KRT33B: variants seen among roughly 807,000 people sequenced by gnomAD.
The protein encoded by KRT33B is keratin, type I cuticular Ha3-II.
In KRT33B, 37 loss-of-function variants were observed where a neutral mutation model predicts 42.7. That is an observed-to-expected ratio of 0.87 (90% CI 0.67 to 1.14). The LOEUF is 1.14. Ranked by LOEUF, KRT33B falls within the 50% of genes most tolerant of loss-of-function variation. The probability of loss-of-function intolerance (pLI) is 0.00; values close to 1 mark genes in which losing one functional copy is unlikely to be tolerated. For synonymous variants in KRT33B, 237 were observed against 221.2 expected, an observed-to-expected ratio of 1.07 and a Z score of -0.63; for missense variants, 523 against 515.1, an observed-to-expected ratio of 1.02 and a Z score of -0.15.
chr17:41,368,735 G>A (rs1367171622), intron 1 of KRT33B, among the ~76,000 whole-genome samples: 1 of 151,264 alleles, frequency 6.6e-6, no homozygotes, highest in Non-Finnish European at 1.5e-5. Context: ...AGAATCAAGG[G>A]CTTGTACAAT....
At chr17:41,368,014 A>T in intron 1 of KRT33B, 24 bp from the exon 2 acceptor site, 1 of 1,607,684 alleles carries the variant, frequency 6.2e-7, no homozygotes, top group Non-Finnish European at 8.5e-7. Context: ...TAATCATGAA[A>T]TGGGTTATAC....
chr17:41,363,812 A>C lies in KRT33B; in HGVS notation c.*24T>G. On this transcript the variant is annotated 3_prime_UTR_variant, in exon 7 of 7. Coordinates refer to ENST00000251646, the MANE Select transcript of KRT33B (RefSeq NM_002279.5). ...CCGATGGTAGTTCTGTCTTCATGCT[A>C]TACTTCTGCTGGCCCCAGGGTATCT... 1 of 1,497,850 alleles carries C rather than the reference A, an allele frequency of 6.7e-7. No individual in the cohort carries two copies. The highest frequency in any genetic ancestry group is 9.2e-7 in the Non-Finnish European group (1 of 1,082,586). 92.8% of individuals were successfully genotyped at this position (1,497,850 alleles called of 1,614,324 possible). A position where few individuals can be genotyped will look rare whatever the true frequency, so the allele number is the denominator to read the frequency against.
intron 2 of KRT33B, 100 bp from the exon 3 acceptor site, chr17:41,366,726 A>G (rs2017707034): frequency 8.1e-7 from 1 of 1,227,430 alleles, no homozygotes; most frequent in African/African-American, 1.6e-5. Context: ...ATATTTTGAA[A>G]TATTTTGAAT....
chr17:41,365,752 G>C (rs2017693116), intron 3 of KRT33B, among the ~76,000 whole-genome samples, 199 bp from the exon 4 acceptor site: 1 of 151,236 alleles, frequency 6.6e-6, no homozygotes, highest in South Asian at 2.1e-4. Context: ...TTCATTAAAT[G>C]ATTGCTAATA....
chr17:41,364,758 T>C, intron 6 of KRT33B, 21 bp downstream of exon 6: 1 of 1,612,074 alleles, frequency 6.2e-7, no homozygotes, highest in South Asian at 1.1e-5. Flanking sequence ...CTTGCAGGGG[T>C]GCCGTCCGCC....
rs772735795 is a variant in KRT33B at position 41,369,360 on chromosome 17, T to C, written c.348+43A>G. The C allele has an allele frequency of 6.0e-5, 96 of 1,605,476 alleles. 2 individuals are homozygous for C. The South Asian group carries it at 9.1e-4, about 15-fold the overall frequency. ...CACAGTTTAGTATGTCAAATATAGA[T>C]AAGTAGTTCATTAAGCTGGCAGTGT... is the stretch of plus-strand genomic sequence containing the variant. On this transcript the variant is annotated intron_variant, in intron 1 of 6. Coordinates refer to ENST00000251646, the MANE Select transcript of KRT33B (RefSeq NM_002279.5).
At chr17:41,368,783 AG>A (rs2017736023) in intron 1 of KRT33B, among the ~76,000 whole-genome samples, 1 of 151,290 alleles carries the variant, frequency 6.6e-6, no homozygotes, top group Non-Finnish European at 1.5e-5. Flanking sequence ...AACCCCACTC[AG>A]ACATTGCCTC....
Position 41,363,907 on chromosome 17 carries a change from T to C in KRT33B, c.1144A>G (p.Ile382Val), listed in dbSNP as rs1427950284. The C allele has an allele frequency of 1.2e-6, 2 of 1,611,724 alleles. No homozygotes were observed. Among genetic ancestry groups the C allele is most frequent in the Non-Finnish European group, 1.7e-6 (2 of 1,179,570 alleles). ...CAAGGATTGGTGACACAGGATCCAA[T>C]GGGCTTTTCACATGCATTGGTGGTG... ...CATTNACEKPIGSCVTNPCGP... is the reference protein window; with the variant it reads ...CATTNACEKPVGSCVTNPCGP... The change falls in exon 7 of 7, where the codon ATT becomes GTT. Residue 382 changes from isoleucine to valine, a missense_variant. Transcript: ENST00000251646.
At chr17:41,365,151 C>A (rs1438659642) in intron 5 of KRT33B, 24 bp downstream of exon 5, 3 of 1,610,752 alleles carry the variant, frequency 1.9e-6, no homozygotes, top group Non-Finnish European at 2.5e-6. Flanking sequence ...CCATCGCTCA[C>A]CAGCAGGTCT....
At position 41,365,476 on chromosome 17, in the gene KRT33B, G is replaced by T. The variant is rs200459142; in HGVS notation, c.666C>A (p.Asn222Lys). The change falls in exon 4 of 7, where the codon AAC becomes AAA. Residue 222 changes from asparagine to lysine, a missense_variant. Asn to Lys is a moderately conservative substitution (Grantham distance 94). Transcript: ENST00000251646. ...EVDAAPAVDLNQVLNETRNQY... is the reference protein window; with the variant it reads ...EVDAAPAVDLKQVLNETRNQY... ...GATTCCTGGTCTCGTTCAGGACCTG[G>T]TTCAGGTCCACAGCGGGAGCAGCGT... 9.9e-6 allele frequency: 16 copies of T among 1,613,102 alleles called. 1 individual carries two copies. The African/African-American group carries it at 2.0e-4, about 20-fold the overall frequency.
chr17:41,369,644 T>C lies in KRT33B; in HGVS notation c.107A>G (p.Asn36Ser), dbSNP rs1216291502. The change falls in exon 1 of 7, where the codon AAC becomes AGC. Residue 36 changes from asparagine to serine, a missense_variant. By Grantham distance (46) the Asn-to-Ser change is conservative. Coordinates refer to ENST00000251646, the MANE Select transcript of KRT33B (RefSeq NM_002279.5). Reference protein sequence around the residue: ...CHGYTLPGACNIPANVSNCNW... With the variant: ...CHGYTLPGACSIPANVSNCNW... ...GCAGTTGCTCACATTGGCAGGGATG[T>C]TGCAGGCCCCGGGCAGGGTGTAGCC... 1.2e-6 allele frequency: 2 copies of C among 1,613,790 alleles called. No individual in the cohort carries two copies. The highest frequency in any genetic ancestry group is 2.2e-5 in the East Asian group (1 of 44,876).
intron 1 of KRT33B, 151 bp downstream of exon 1, chr17:41,369,251 TA>T: frequency 8.3e-7 from 1 of 1,199,744 alleles, no homozygotes; most frequent in Non-Finnish European, 1.1e-6. Context: ...ACAGATTTTC[TA>T]AGACTACTTG....
intron 1 of KRT33B, 131 bp downstream of exon 1, chr17:41,369,272 C>T (rs2017743718): frequency 7.7e-7 from 1 of 1,305,644 alleles, no homozygotes; most frequent in South Asian, 1.5e-5. Flanking sequence ...GATGTCATAC[C>T]TAAGCCAGTG....
At chr17:41,364,652 C>T in intron 6 of KRT33B, 127 bp downstream of exon 6, 1 of 1,200,994 alleles carries the variant, frequency 8.3e-7, no homozygotes, top group Non-Finnish European at 1.2e-6. Context: ...CTTCCCACGG[C>T]TGTAATATAA....
In KRT33B at chr17:41,364,216, C is replaced by T. The variant is rs2017664283; in HGVS notation, c.1098-263G>A. ...CTCCTTCTAAGCCTCAGCTTTCCCACCTGTAAGGTAGGACTGGTAGTACCA... is the reference window on the plus strand; with the variant it reads ...CTCCTTCTAAGCCTCAGCTTTCCCATCTGTAAGGTAGGACTGGTAGTACCA... On this transcript the variant is annotated intron_variant, in intron 6 of 6. Transcript: ENST00000251646. Among the ~76,000 whole-genome samples the T allele has an allele frequency of 1.3e-5, 2 of 151,306 alleles. 1 individual carries two copies.
Position 41,365,015 on chromosome 17 carries a change from T to A in KRT33B, c.877-16A>T. 6.2e-7 allele frequency: 1 copy of A among 1,613,012 alleles called. No homozygotes were observed. Among genetic ancestry groups the A allele is most frequent in the Non-Finnish European group, 8.5e-7 (1 of 1,179,914 alleles). On this transcript the variant is annotated splice_polypyrimidine_tract_variant and intron_variant, in intron 5 of 6. Transcript: ENST00000251646. The stretch of plus-strand genomic sequence containing the variant: ...GAGAGTATCGCTGTGGTGGGAAAGA[T>A]CAGGAATGTCAGAGAGCTGCTCCTT...
At chr17:41,364,454 A>G (rs1597689353) in intron 6 of KRT33B, among the ~76,000 whole-genome samples, 1 of 151,548 alleles carries the variant, frequency 6.6e-6, no homozygotes, top group African/African-American at 2.4e-5. Flanking sequence ...TTTAAATCAG[A>G]AAAAGTGATC....
chr17:41,369,292 C>G (rs2017743973), intron 1 of KRT33B, 111 bp downstream of exon 1: 2 of 1,413,434 alleles, frequency 1.4e-6, no homozygotes, highest in Non-Finnish European at 1.9e-6. Context: ...GAATCTATGT[C>G]TTTATCATTC....
At chr17:41,363,991 G>A (rs1449899839) in intron 6 of KRT33B, 38 bp from the exon 7 acceptor site, 3 of 1,413,944 alleles carry the variant, frequency 2.1e-6, no homozygotes, top group Non-Finnish European at 3.0e-6. Flanking sequence ...GCATGAGAAG[G>A]GTGATTCAAA....
Sources: gnomAD v4.1 joint callset for allele counts (sites outside exome capture counted in the v4.1 genomes callset) on GRCh38, gnomAD v4.1.1 for gene constraint, MANE v1.5 for transcripts, NCBI Gene and HGNC (gene_info 2026-07-23, HGNC 2026-07-21) for gene names.